PKD1L1: variants seen among roughly 807,000 people sequenced by gnomAD.
The protein encoded by PKD1L1 is polycystin 1 like 1, transient receptor potential channel interacting, also known as polycystin-1-like protein 1.
A neutral mutation model predicts 323.4 loss-of-function variants in PKD1L1; 236 were observed. The ratio of observed to expected loss-of-function variants is 0.73; its 90% CI spans 0.66 to 0.81. The LOEUF (loss-of-function observed/expected upper bound fraction) is 0.81, where lower values mean the gene tolerates loss of function less well. Among genes scored for constraint, PKD1L1 ranks in the 40% least tolerant of loss-of-function variants. The pLI is 0.00. For missense variants in PKD1L1, 3,320 were observed against 3,508.0 expected, an observed-to-expected ratio of 0.95 and a Z score of 1.35; for synonymous variants, 1,344 against 1,335.0, an observed-to-expected ratio of 1.01 and a Z score of -0.15.
At position 47,844,898 on chromosome 7, in the gene PKD1L1, T is replaced by C. The variant is rs150214830; in HGVS notation, c.5237+97A>G. The C allele has an allele frequency of 5.6e-3, 5,137 of 921,842 alleles. 23 individuals are homozygous for C. Among genetic ancestry groups the C allele is most frequent in the Non-Finnish European group, 7.4e-3 (4,521 of 614,330 alleles). 57.1% of individuals were successfully genotyped at this position (921,842 alleles called of 1,614,324 possible). A position where few individuals can be genotyped will look rare whatever the true frequency, so the allele number is the denominator to read the frequency against. On this transcript the variant is annotated intron_variant, in intron 33 of 56. Transcript: ENST00000289672. ...AAAAATGCAATGATAGTAAGTAACA[T>C]GGATTTCAAGCACCCCCGGAATTAT...
At chr7:47,859,891 G>A (rs1583626606) in intron 26 of PKD1L1, among the ~76,000 whole-genome samples, 2 of 152,020 alleles carry the variant, frequency 1.3e-5, no homozygotes, top group African/African-American at 4.8e-5. Flanking sequence ...GCTTCCCAAA[G>A]TGCTGGGAGT....
chr7:47,790,734 T>C (rs1786924732), intron 56 of PKD1L1, among the ~76,000 whole-genome samples: 1 of 151,628 alleles, frequency 6.6e-6, no homozygotes, highest in African/African-American at 2.4e-5. Flanking sequence ...AGCGACTTTA[T>C]TAGTGTGTGT....
At chr7:47,878,406 A>G (rs1228073970) in intron 21 of PKD1L1, among the ~76,000 whole-genome samples, 3 of 152,238 alleles carry the variant, frequency 2.0e-5, no homozygotes, top group Non-Finnish European at 4.4e-5. Context: ...GATGGATTAT[A>G]GAAATGAAAT....
rs144160048 is a variant in PKD1L1, at chr7:47,815,409, C to T, written c.7014G>A (p.Trp2338Ter). Residue 2338 changes from tryptophan to a stop codon, truncating the protein, a stop_gained, in exon 47 of 57, where the codon TGG becomes TGA. Transcript: ENST00000289672. LOFTEE classifies it high-confidence loss of function. ...LGGLRNIADW[W>*]DWSLTTLLDG... ...CCAGAAGTGTGGTCAGACTCCAGTC[C>T]CACCAGTCAGCGATGTTTCTCAGGC... is the stretch of plus-strand genomic sequence containing the variant. 2.2e-5 allele frequency: 35 copies of T among 1,613,894 alleles called. No homozygotes were observed. Among genetic ancestry groups the T allele is most frequent in the Non-Finnish European group, 2.9e-5 (34 of 1,179,932 alleles).
At chr7:47,818,130 G>A (rs1785061068) in intron 46 of PKD1L1, 1 of 1,367,764 alleles carries the variant, frequency 7.3e-7, no homozygotes, top group Non-Finnish European at 9.8e-7. Context: ...CCAGAGGGTG[G>A]AATGAAGCAA....
chr7:47,957,860 A>ATATATATGTATAT, the PKD1L1 span, among the ~76,000 whole-genome samples: 1 of 124,134 alleles, frequency 8.1e-6, no homozygotes. Context: ...CAATTAAAAA[A>ATATATATGTATAT]AAATATATAT....
intron 32 of PKD1L1, among the ~76,000 whole-genome samples, chr7:47,846,082 A>G (rs1164134691): frequency 6.6e-6 from 1 of 152,226 alleles, no homozygotes; most frequent in Non-Finnish European, 1.5e-5. Flanking sequence ...AAAATCAATA[A>G]ATGGCTATGA....
At chr7:47,893,786 A>C (rs771628277) in intron 15 of PKD1L1, 92 bp downstream of exon 15, 15 of 1,327,486 alleles carry the variant, frequency 1.1e-5, no homozygotes, top group Non-Finnish European at 1.4e-5. Flanking sequence ...TTAAAATTTA[A>C]AACTATTAAT....
intron 31 of PKD1L1, among the ~76,000 whole-genome samples, chr7:47,849,488 A>T (rs1785734235): frequency 6.6e-6 from 1 of 152,202 alleles, no homozygotes; most frequent in African/African-American, 2.4e-5. Flanking sequence ...TAAGGAACTC[A>T]AACAAATCGC....
At position 47,846,563 on chromosome 7, in the gene PKD1L1, A is replaced by T. The variant is rs1303214907; in HGVS notation, c.5153+316T>A. ...AAGAAAACTGACAGGTTCATCTATC[A>T]CTCATCCACCGACTCATGTCTTCAA... On this transcript the variant is annotated intron_variant, in intron 32 of 56. Transcript: ENST00000289672. 2.6e-5 allele frequency among the ~76,000 whole-genome samples: 4 copies of T among 152,208 alleles called. No individual in the cohort carries two copies. In the East Asian group the frequency reaches 7.7e-4, roughly 29 times the overall value.
At chr7:47,960,868 C>A in the PKD1L1 span, among the ~76,000 whole-genome samples, 4 of 136,346 alleles carry the variant, frequency 2.9e-5, no homozygotes, top group East Asian at 2.2e-4. Context: ...TGGCCATTAC[C>A]AAAAAGACAA....
chr7:47,931,548 C>T (rs1787771995), intron 5 of PKD1L1, among the ~76,000 whole-genome samples: 2 of 152,166 alleles, frequency 1.3e-5, no homozygotes, highest in African/African-American at 4.8e-5. Flanking sequence ...CCAGCTGGCA[C>T]CAGCTAGAAC....
At chr7:47,803,735 C>A (rs1018755639) in intron 52 of PKD1L1, among the ~76,000 whole-genome samples, 7 of 152,214 alleles carry the variant, frequency 4.6e-5, no homozygotes, top group Admixed American at 4.6e-4. Context: ...TTAGTGCATG[C>A]TTATTTCCTT....
intron 13 of PKD1L1, among the ~76,000 whole-genome samples, chr7:47,901,343 A>AAAAAAG (rs1562981121): frequency 4.0e-5 from 6 of 151,106 alleles, no homozygotes; most frequent in Non-Finnish European, 2.9e-5. Flanking sequence ...AAAAAAAAAA[A>AAAAAAG]AAAAAGAAAA....
At chr7:47,898,413 A>G (rs1787007316) in intron 13 of PKD1L1, among the ~76,000 whole-genome samples, 1 of 152,192 alleles carries the variant, frequency 6.6e-6, no homozygotes, top group African/African-American at 2.4e-5. Flanking sequence ...AACTAAAATA[A>G]TAAGTAAATA....
chr7:47,862,427 C>G (rs964138053), intron 26 of PKD1L1, among the ~76,000 whole-genome samples: 1 of 152,128 alleles, frequency 6.6e-6, no homozygotes, highest in East Asian at 1.9e-4. Context: ...ATCCAGCCCC[C>G]GTTCCTGTAT....
intron 51 of PKD1L1, chr7:47,809,238 G>T: frequency 5.2e-6 from 2 of 386,036 alleles, no homozygotes; most frequent in Non-Finnish European, 9.3e-6. Context: ...AGCACCATAA[G>T]ATCTTATGGG....
rs767138413 is a variant in PKD1L1 at position 47,818,089 on chromosome 7, T to C, written c.6966-2632A>G. The C allele has an allele frequency of 2.2e-6, 3 of 1,367,824 alleles. No homozygotes were observed. In the South Asian group the frequency reaches 3.4e-5, roughly 16 times the overall value. The allele number at this position is 1,367,824 out of a possible 1,614,324, so 84.7% of individuals were successfully genotyped here. ...CTACAAGTTTTGTCAAACTATCAAA[T>C]GCAGAGCAAATTGGAGGCCTGCCAG... On this transcript the variant is annotated intron_variant, in intron 46 of 56. Coordinates refer to ENST00000289672, the MANE Select transcript of PKD1L1 (RefSeq NM_138295.5).
At chr7:47,877,284 C>A (rs1394090930) in intron 22 of PKD1L1, among the ~76,000 whole-genome samples, 1 of 152,170 alleles carries the variant, frequency 6.6e-6, no homozygotes, top group East Asian at 1.9e-4. Flanking sequence ...ACCTTCTCAA[C>A]CAGGGGGCCA....
Sources: gnomAD v4.1 joint callset for allele counts (sites outside exome capture counted in the v4.1 genomes callset) on GRCh38, gnomAD v4.1.1 for gene constraint, MANE v1.5 for transcripts, NCBI Gene and HGNC (gene_info 2026-07-23, HGNC 2026-07-21) for gene names.